The following RSRC1 variants were observed in gnomAD, a reference collection of about 807,000 sequenced individuals.
The protein encoded by RSRC1 is serine/Arginine-related protein 53.
In RSRC1, 39 loss-of-function variants were observed where a neutral mutation model predicts 49.1. The observed-to-expected ratio is 0.79, with a 90% confidence interval of 0.61 to 1.04. The LOEUF (loss-of-function observed/expected upper bound fraction) is 1.04. Ranked by LOEUF, RSRC1 falls within the 50% of genes least tolerant of loss-of-function variation. The pLI is 0.00. For synonymous variants in RSRC1, 143 were observed against 130.8 expected, an observed-to-expected ratio of 1.09 and a Z score of -0.63; for missense variants, 388 against 402.4, an observed-to-expected ratio of 0.96 and a Z score of 0.31.
intron 6 of RSRC1, among the ~76,000 whole-genome samples, chr3:158,435,236 C>G (rs1735984944): frequency 6.6e-6 from 1 of 151,566 alleles, no homozygotes; most frequent in Non-Finnish European, 1.5e-5. Flanking sequence ...TTAATTAATA[C>G]TACACAAGCA....
At chr3:158,494,917 CT>C (rs1739249671) in intron 7 of RSRC1, among the ~76,000 whole-genome samples, 1 of 152,134 alleles carries the variant, frequency 6.6e-6, no homozygotes, top group African/African-American at 2.4e-5. Context: ...CTGCCTGAGG[CT>C]GTTATGATAA....
intron 5 of RSRC1, among the ~76,000 whole-genome samples, chr3:158,335,222 A>G (rs1245233739): frequency 6.6e-6 from 1 of 152,206 alleles, no homozygotes; most frequent in African/African-American, 2.4e-5. Context: ...GAAGCAGACC[A>G]TACTGTATCC....
At chr3:158,420,032 C>T (rs764310766) in intron 6 of RSRC1, among the ~76,000 whole-genome samples, 1 of 151,988 alleles carries the variant, frequency 6.6e-6, no homozygotes, top group Non-Finnish European at 1.5e-5. Context: ...CCACTTCCTC[C>T]TTTTACCCTC....
chr3:158,210,664 A>G (rs1375959187), intron 4 of RSRC1, among the ~76,000 whole-genome samples: 1 of 152,022 alleles, frequency 6.6e-6, no homozygotes, highest in Non-Finnish European at 1.5e-5. Flanking sequence ...AAAATTTACC[A>G]CCCAATTTCT....
chr3:158,220,753 T>C (rs1285249204), intron 4 of RSRC1, among the ~76,000 whole-genome samples: 1 of 151,586 alleles, frequency 6.6e-6, no homozygotes, highest in South Asian at 2.1e-4. Context: ...AGCTGAATGA[T>C]AGGGAGCTGT....
At chr3:158,159,530 A>AATG (rs982939209) in intron 3 of RSRC1, among the ~76,000 whole-genome samples, 47 of 152,272 alleles carry the variant, frequency 3.1e-4, no homozygotes, top group African/African-American at 1.1e-3. Flanking sequence ...AAAGAAGACA[A>AATG]ATGACAGTAT....
intron 4 of RSRC1, among the ~76,000 whole-genome samples, chr3:158,269,274 A>G (rs145809996): frequency 6.6e-6 from 1 of 152,330 alleles, no homozygotes; most frequent in African/African-American, 2.4e-5. Flanking sequence ...ATGTGCCTAA[A>G]TGATATTTAC....
chr3:158,208,930 C>A (rs1470752884), intron 4 of RSRC1, among the ~76,000 whole-genome samples: 1 of 152,110 alleles, frequency 6.6e-6, no homozygotes, highest in Non-Finnish European at 1.5e-5. Context: ...ACATCTTGAT[C>A]CAAACTGCCT....
chr3:158,522,159 TA>T (rs564858664), intron 7 of RSRC1, among the ~76,000 whole-genome samples: 62 of 152,148 alleles, frequency 4.1e-4, no homozygotes, highest in Non-Finnish European at 8.2e-4. Context: ...ATAGAATTCA[TA>T]GGTCTTATTA....
chr3:158,285,825 A>T (rs1055468612), intron 4 of RSRC1, among the ~76,000 whole-genome samples: 1 of 152,202 alleles, frequency 6.6e-6, no homozygotes, highest in East Asian at 1.9e-4. Context: ...ATATACAATC[A>T]TGTCATCTGC....
At chr3:158,517,162 G>T (rs1272609583) in intron 7 of RSRC1, among the ~76,000 whole-genome samples, 1 of 147,922 alleles carries the variant, frequency 6.8e-6, no homozygotes, top group African/African-American at 2.5e-5. Flanking sequence ...TATATTTTTT[G>T]CTATTAATAT....
At chr3:158,127,440 T>C (rs1715700283) in intron 3 of RSRC1, among the ~76,000 whole-genome samples, 1 of 152,096 alleles carries the variant, frequency 6.6e-6, no homozygotes, top group Admixed American at 6.5e-5. Flanking sequence ...TTTATTCTTC[T>C]GCTTGACTGC....
chr3:158,119,135 A>G (rs1353606387), intron 1 of RSRC1, among the ~76,000 whole-genome samples: 1 of 152,052 alleles, frequency 6.6e-6, no homozygotes, highest in Non-Finnish European at 1.5e-5. Flanking sequence ...GAATGGAGGG[A>G]CTCAGGGACA....
chr3:158,185,979 T>G (rs1719902452), intron 3 of RSRC1, among the ~76,000 whole-genome samples: 2 of 152,026 alleles, frequency 1.3e-5, no homozygotes, highest in Admixed American at 1.3e-4. Context: ...TTCCTTTTAG[T>G]TATGGTATGT....
Position 158,445,321 on chromosome 3 carries a change from G to A in RSRC1, c.584-15614G>A, listed in dbSNP as rs189578272. Among the ~76,000 whole-genome samples, 783 of 152,228 alleles carry A rather than the reference G, an allele frequency of 5.1e-3. 4 individuals carry two copies. Among genetic ancestry groups the A allele is most frequent in the African/African-American group, 0.018 (735 of 41,520 alleles). ...CATACACCCCATGAAATACTATGCA[G>A]CCATAAAAAAGGGTGAGTTCATGTC... is the stretch of plus-strand genomic sequence containing the variant. On this transcript the variant is annotated intron_variant, in intron 6 of 9. Transcript: ENST00000611884.
intron 4 of RSRC1, among the ~76,000 whole-genome samples, chr3:158,272,395 C>A (rs1005484155): frequency 6.6e-6 from 1 of 152,046 alleles, no homozygotes; most frequent in Non-Finnish European, 1.5e-5. Flanking sequence ...TCATTTTGTG[C>A]CAGGATCATC....
intron 3 of RSRC1, among the ~76,000 whole-genome samples, chr3:158,163,013 T>A (rs1718327416): frequency 6.6e-6 from 1 of 152,122 alleles, no homozygotes; most frequent in East Asian, 1.9e-4. Flanking sequence ...ATTTTTTGTT[T>A]CTTTTTTGAG....
At chr3:158,144,331 G>A (rs1578130070) in intron 3 of RSRC1, among the ~76,000 whole-genome samples, 1 of 150,526 alleles carries the variant, frequency 6.6e-6, no homozygotes, top group Middle Eastern at 3.4e-3. Context: ...TCCCCTTCCT[G>A]TGTCCAAGTG....
chr3:158,465,144 C>T (rs1269654306), intron 7 of RSRC1, among the ~76,000 whole-genome samples: 1 of 152,108 alleles, frequency 6.6e-6, no homozygotes, highest in Non-Finnish European at 1.5e-5. Context: ...TTTAGAGGCA[C>T]ATTTTGTCAG....
Sources: gnomAD v4.1 joint callset for allele counts (sites outside exome capture counted in the v4.1 genomes callset) on GRCh38, gnomAD v4.1.1 for gene constraint, MANE v1.5 for transcripts, NCBI Gene and HGNC (gene_info 2026-07-23, HGNC 2026-07-21) for gene names.